Variants in GLI3 observed in about 807,000 individuals in gnomAD.
GLI3 encodes transcription activator GLI3.
A neutral mutation model predicts 100.8 loss-of-function variants in GLI3; 20 were observed. That is an observed-to-expected ratio of 0.20 (90% CI 0.14 to 0.29). The LOEUF (loss-of-function observed/expected upper bound fraction) is 0.29, where lower values mean the gene tolerates loss of function less well. Ranked by LOEUF, GLI3 falls within the 10% of genes least tolerant of loss-of-function variation. The pLI is 1.00. For missense variants in GLI3, 2,040 were observed against 2,128.5 expected (o/e 0.96, Z 0.82); for synonymous variants, 938 against 860.5 (o/e 1.09, Z -1.58).
At chr7:42,027,967 T>C (rs1789169807) in intron 7 of GLI3, among the ~76,000 whole-genome samples, 1 of 152,206 alleles carries the variant, frequency 6.6e-6, no homozygotes, top group East Asian at 1.9e-4. Context: ...GGATGATTGA[T>C]AGGGCATTAA....
intron 10 of GLI3, among the ~76,000 whole-genome samples, chr7:41,996,701 G>T (rs988289546): frequency 5.3e-5 from 8 of 152,138 alleles, no homozygotes; most frequent in Non-Finnish European, 1.2e-4. Flanking sequence ...TGACATAATT[G>T]TAATATGTAT....
intron 2 of GLI3, among the ~76,000 whole-genome samples, chr7:42,184,499 G>A (rs145527278): frequency 6.6e-6 from 1 of 152,348 alleles, no homozygotes; most frequent in Non-Finnish European, 1.5e-5. Flanking sequence ...TCTTCCTACA[G>A]TGAAGGAACA....
At chr7:42,106,451 C>T (rs573010580) in intron 3 of GLI3, among the ~76,000 whole-genome samples, 1 of 152,210 alleles carries the variant, frequency 6.6e-6, no homozygotes, top group Non-Finnish European at 1.5e-5. Flanking sequence ...CTTATGGCCA[C>T]ATGAGCAAGG....
At chr7:42,093,629 G>C (rs899278630) in intron 3 of GLI3, among the ~76,000 whole-genome samples, 11 of 152,076 alleles carry the variant, frequency 7.2e-5, no homozygotes, top group African/African-American at 2.7e-4. Context: ...AACCTCAAAT[G>C]CCAACTGTAA....
intron 6 of GLI3, among the ~76,000 whole-genome samples, chr7:42,043,155 A>G (rs187140316): frequency 1.1e-3 from 163 of 152,346 alleles, no homozygotes; most frequent in Admixed American, 5.2e-3. Flanking sequence ...GACAACCACT[A>G]TAAAAATTTA....
At chr7:42,189,737 A>G (rs1427938752) in intron 2 of GLI3, among the ~76,000 whole-genome samples, 1 of 152,190 alleles carries the variant, frequency 6.6e-6, no homozygotes, top group Admixed American at 6.5e-5. Flanking sequence ...CCAAAACTTG[A>G]CAGAGTGCTG....
rs1787048147 is a variant in GLI3 at position 41,963,011 on chromosome 7, A to C, written c.*1319T>G. The C allele has an allele frequency of 6.6e-6, 1 of 152,242 alleles. No homozygotes were observed. The highest frequency in any genetic ancestry group is 2.4e-5 in the African/African-American group (1 of 41,468). The allele number at this position is 152,242 out of a possible 1,614,324, so 9.4% of individuals were successfully genotyped here. Reference sequence around the variant, plus strand: ...AAATCTTTAAATGTTTTAATCCAAAACAAAAGTACAGATCCAGTCCACATT... The same window carrying C: ...AAATCTTTAAATGTTTTAATCCAAACCAAAAGTACAGATCCAGTCCACATT... On this transcript the variant is annotated 3_prime_UTR_variant, in exon 15 of 15. Coordinates refer to ENST00000395925, the MANE Select transcript of GLI3 (RefSeq NM_000168.6).
intron 1 of GLI3, among the ~76,000 whole-genome samples, chr7:42,232,768 G>C (rs575554545): frequency 4.6e-5 from 7 of 152,226 alleles, no homozygotes; most frequent in Admixed American, 4.6e-4. Flanking sequence ...TTTCAGGAGG[G>C]GGCTGAAATG....
chr7:42,223,505 C>T (rs1371911461), intron 1 of GLI3, among the ~76,000 whole-genome samples: 1 of 152,168 alleles, frequency 6.6e-6, no homozygotes, highest in African/African-American at 2.4e-5. Flanking sequence ...AAAAGAGAAC[C>T]GAGGGAAATG....
chr7:42,034,163 C>A (rs1002984106), intron 7 of GLI3, among the ~76,000 whole-genome samples: 1 of 152,160 alleles, frequency 6.6e-6, no homozygotes, highest in African/African-American at 2.4e-5. Flanking sequence ...TAATCCGTTT[C>A]TTCAAAATAT....
chr7:42,118,522 C>T (rs535020059), intron 3 of GLI3, among the ~76,000 whole-genome samples: 197 of 152,332 alleles, frequency 1.3e-3, no homozygotes, highest in Middle Eastern at 0.01. Context: ...TTTTGATTCA[C>T]GTGGGGAATC....
intron 3 of GLI3, among the ~76,000 whole-genome samples, chr7:42,141,448 G>T (rs1258276670): frequency 6.6e-6 from 1 of 152,152 alleles, no homozygotes; most frequent in East Asian, 1.9e-4. Flanking sequence ...TAGGCGGACG[G>T]ATCACCTGAG....
chr7:42,023,052 T>A (rs1788987860), intron 10 of GLI3, among the ~76,000 whole-genome samples: 1 of 152,216 alleles, frequency 6.6e-6, no homozygotes, highest in Non-Finnish European at 1.5e-5. Flanking sequence ...CCTTAGGCTT[T>A]GAGAGTTTGG....
At chr7:41,999,377 T>C (rs1788222934) in intron 10 of GLI3, among the ~76,000 whole-genome samples, 1 of 152,210 alleles carries the variant, frequency 6.6e-6, no homozygotes, top group Non-Finnish European at 1.5e-5. Context: ...AACTCAATAC[T>C]GTCCACAAAG....
chr7:41,996,460 T>C lies in GLI3; in HGVS notation c.1498-17712A>G, dbSNP rs112503018. The stretch of plus-strand genomic sequence containing the variant: ...AGGGTTAGTCAACCGCTGGCTCATA[T>C]ACAAAGAAAATACTGTATTTTGCTC... On this transcript the variant is annotated intron_variant, in intron 10 of 14. Coordinates refer to ENST00000395925, the MANE Select transcript of GLI3 (RefSeq NM_000168.6). 2.8e-3 allele frequency among the ~76,000 whole-genome samples: 423 copies of C among 152,296 alleles called. 6 individuals are homozygous for C. Among genetic ancestry groups the C allele is most frequent in the African/African-American group, 8.8e-3 (367 of 41,564 alleles).
chr7:42,036,329 G>A (rs1478297983), intron 7 of GLI3, among the ~76,000 whole-genome samples: 1 of 152,292 alleles, frequency 6.6e-6, no homozygotes, highest in East Asian at 1.9e-4. Flanking sequence ...AGGGGATGAT[G>A]AGAATTCTAA....
At chr7:42,045,105 T>A (rs891400266) in intron 6 of GLI3, among the ~76,000 whole-genome samples, 3 of 152,164 alleles carry the variant, frequency 2.0e-5, no homozygotes, top group Admixed American at 1.3e-4. Flanking sequence ...GGGCTGGGAT[T>A]TTTTTTAACC....
chr7:42,063,338 A>T (rs1359735211), intron 4 of GLI3, among the ~76,000 whole-genome samples: 1 of 152,136 alleles, frequency 6.6e-6, no homozygotes, highest in Non-Finnish European at 1.5e-5. Context: ...CAACTCTAAG[A>T]TGTTACTGAT....
intron 3 of GLI3, among the ~76,000 whole-genome samples, chr7:42,139,423 T>C (rs913429854): frequency 6.6e-6 from 1 of 152,204 alleles, no homozygotes; most frequent in Non-Finnish European, 1.5e-5. Context: ...CTCACGCCTG[T>C]AATCCCAGCA....
Sources: allele counts gnomAD v4.1 joint callset (sites outside exome capture counted in the v4.1 genomes callset), GRCh38; gene constraint gnomAD v4.1.1; transcripts MANE v1.5; gene names NCBI Gene and HGNC (gene_info 2026-07-23, HGNC 2026-07-21).